Variants in TMEM170B observed in about 807,000 individuals in gnomAD.
The protein encoded by TMEM170B is transmembrane protein 170B.
TMEM170B carries 6 observed loss-of-function variants against 13.0 expected under a neutral mutation model. The ratio of observed to expected loss-of-function variants is 0.46; its 90% CI spans 0.25 to 0.91. TMEM170B has a LOEUF of 0.91. Among genes scored for constraint, TMEM170B ranks in the 40% least tolerant of loss-of-function variants. The pLI is 0.17. For missense variants in TMEM170B, 138 were observed against 165.2 expected (o/e 0.84, Z 0.90); for synonymous variants, 61 against 64.9 (o/e 0.94, Z 0.29).
Position 11,560,602 on chromosome 6 carries a change from A to C in TMEM170B, c.98-5064A>C, listed in dbSNP as rs139128274. ...TCTCTTAAAAAAAAAAAAAAAAATGAAAAACTAATTTCTAAAAATATTATA... is the reference window on the plus strand; with the variant it reads ...TCTCTTAAAAAAAAAAAAAAAAATGCAAAACTAATTTCTAAAAATATTATA... On this transcript the variant is annotated intron_variant, in intron 1 of 2. Transcript: ENST00000379426. Among the ~76,000 whole-genome samples, 640 of 146,606 alleles carry C rather than the reference A, an allele frequency of 4.4e-3. 1 individual carries two copies. The highest frequency in any genetic ancestry group is 6.4e-3 in the Non-Finnish European group (422 of 66,292).
chr6:11,568,069 A>G (rs190645273), intron 2 of TMEM170B, among the ~76,000 whole-genome samples: 47 of 152,278 alleles, frequency 3.1e-4, no homozygotes, highest in African/African-American at 9.6e-4. Context: ...GGATATGCAA[A>G]ACATATAGGT....
intron 1 of TMEM170B, among the ~76,000 whole-genome samples, chr6:11,552,916 G>A (rs1759543431): frequency 6.6e-6 from 1 of 152,118 alleles, no homozygotes; most frequent in Non-Finnish European, 1.5e-5. Flanking sequence ...TCAGAGTTGT[G>A]GTCTGGGTTG....
chr6:11,543,026 C>T (rs545443468), intron 1 of TMEM170B, among the ~76,000 whole-genome samples: 1 of 152,232 alleles, frequency 6.6e-6, no homozygotes, highest in South Asian at 2.1e-4. Context: ...TCTTCTTTAC[C>T]ATGCTACTTC....
chr6:11,545,262 G>C (rs1309400434), intron 1 of TMEM170B, among the ~76,000 whole-genome samples: 1 of 113,540 alleles, frequency 8.8e-6, no homozygotes, highest in Non-Finnish European at 2.0e-5. Context: ...AGGTTAAAAG[G>C]CTTCTCTCTC....
intron 2 of TMEM170B, among the ~76,000 whole-genome samples, chr6:11,567,887 G>A (rs1759756212): frequency 6.6e-6 from 1 of 152,156 alleles, no homozygotes; most frequent in Non-Finnish European, 1.5e-5. Context: ...AAAACAAATG[G>A]ATATTTTTGA....
intron 1 of TMEM170B, among the ~76,000 whole-genome samples, chr6:11,559,263 G>T (rs1276293320): frequency 6.7e-6 from 1 of 149,478 alleles, no homozygotes; most frequent in African/African-American, 2.5e-5. Flanking sequence ...GCATGATCAT[G>T]GGTGACTGCT....
In TMEM170B at chr6:11,556,129, C is replaced by A. The variant is rs1490004591; in HGVS notation, c.98-9537C>A. 6.7e-3 allele frequency among the ~76,000 whole-genome samples: 2 copies of A among 298 alleles called. 1 individual carries two copies. Among genetic ancestry groups the A allele is most frequent in the African/African-American group, 6.8e-3 (2 of 296 alleles). The allele number at this position is 298 out of a possible 152,430, so 0.2% of individuals were successfully genotyped here. On this transcript the variant is annotated intron_variant, in intron 1 of 2. Transcript: ENST00000379426. Reference sequence around the variant, plus strand: ...CGAGATCGCGCCACTGCACTCCAGCCTGGGCGACAGAGCGAGACTCCGTCT... The same window carrying A: ...CGAGATCGCGCCACTGCACTCCAGCATGGGCGACAGAGCGAGACTCCGTCT...
At chr6:11,549,696 AT>A (rs1324498834) in intron 1 of TMEM170B, among the ~76,000 whole-genome samples, 1 of 151,960 alleles carries the variant, frequency 6.6e-6, no homozygotes, top group Non-Finnish European at 1.5e-5. Context: ...GCCTCATTAG[AT>A]TGTCACATTC....
chr6:11,555,240 TAAG>T (rs1242103530), intron 1 of TMEM170B, among the ~76,000 whole-genome samples: 2 of 152,290 alleles, frequency 1.3e-5, no homozygotes, highest in Admixed American at 6.5e-5. Flanking sequence ...AAATTTCTGA[TAAG>T]AAGTTTCCTT....
At chr6:11,542,358 A>G (rs1582136790) in intron 1 of TMEM170B, among the ~76,000 whole-genome samples, 2 of 152,200 alleles carry the variant, frequency 1.3e-5, no homozygotes, top group South Asian at 4.1e-4. Context: ...CTGCAAGTCA[A>G]CCATTAAGCT....
intron 1 of TMEM170B, among the ~76,000 whole-genome samples, chr6:11,541,445 C>A (rs565894889): frequency 1.3e-5 from 2 of 152,276 alleles, no homozygotes; most frequent in African/African-American, 4.8e-5. Flanking sequence ...ATCAAACTTT[C>A]TTTTGCAGCT....
At chr6:11,550,185 T>C (rs1032272619) in intron 1 of TMEM170B, among the ~76,000 whole-genome samples, 1 of 151,652 alleles carries the variant, frequency 6.6e-6, no homozygotes, top group African/African-American at 2.4e-5. Flanking sequence ...TTTTTTTTTT[T>C]TTTTTGAAGC....
chr6:11,542,439 G>A (rs1759374315), intron 1 of TMEM170B, among the ~76,000 whole-genome samples: 1 of 152,136 alleles, frequency 6.6e-6, no homozygotes, highest in Non-Finnish European at 1.5e-5. Flanking sequence ...CTTGCCAGTT[G>A]CTCATTGGAC....
chr6:11,572,130 C>T (rs1016571373), intron 2 of TMEM170B, among the ~76,000 whole-genome samples: 4 of 152,256 alleles, frequency 2.6e-5, no homozygotes, highest in South Asian at 4.1e-4. Context: ...TGAAAAGGCC[C>T]ATACCATAGG....
chr6:11,574,263 A>G (rs971371365), intron 2 of TMEM170B, among the ~76,000 whole-genome samples: 1 of 152,126 alleles, frequency 6.6e-6, no homozygotes, highest in African/African-American at 2.4e-5. Flanking sequence ...TAAGTACACT[A>G]TTTTAATTTC....
At chr6:11,552,301 C>T (rs1462684849) in intron 1 of TMEM170B, among the ~76,000 whole-genome samples, 1 of 152,048 alleles carries the variant, frequency 6.6e-6, no homozygotes, top group East Asian at 1.9e-4. Context: ...TATGATAACC[C>T]AGATTTTTTT....
chr6:11,538,728 T>G (rs1162111790), intron 1 of TMEM170B, among the ~76,000 whole-genome samples: 1 of 152,220 alleles, frequency 6.6e-6, no homozygotes. Context: ...CCCCTCCCCC[T>G]TCTACACACA....
intron 1 of TMEM170B, among the ~76,000 whole-genome samples, chr6:11,560,894 G>A (rs146501334): frequency 3.3e-5 from 5 of 152,120 alleles, no homozygotes; most frequent in Admixed American, 1.3e-4. Context: ...GTTGTTGAAG[G>A]ATTAAAAACA....
At position 11,576,332 on chromosome 6, in the gene TMEM170B, CATTG is replaced by C. The variant is rs1235230675; in HGVS notation, c.*776_*779del. The C allele has an allele frequency of 1.3e-5, 2 of 152,088 alleles. No individual in the cohort carries two copies. Among genetic ancestry groups the C allele is most frequent in the Admixed American group, 6.6e-5 (1 of 15,266 alleles). 9.4% of individuals were successfully genotyped at this position (152,088 alleles called of 1,614,324 possible). A position where few individuals can be genotyped will look rare whatever the true frequency, so the allele number is the denominator to read the frequency against. On this transcript the variant is annotated 3_prime_UTR_variant, in exon 3 of 3. Coordinates refer to ENST00000379426, the MANE Select transcript of TMEM170B (RefSeq NM_001100829.3). Reference sequence around the variant, plus strand: ...ATTCAGAAACTTGAAGGGTCATACACATTGATTGTAGTTTGTGCGTCATAAAAAT... The same window carrying C: ...ATTCAGAAACTTGAAGGGTCATACACATTGTAGTTTGTGCGTCATAAAAAT...
Sources: gnomAD v4.1 joint callset for allele counts (sites outside exome capture counted in the v4.1 genomes callset) on GRCh38, gnomAD v4.1.1 for gene constraint, MANE v1.5 for transcripts, NCBI Gene and HGNC (gene_info 2026-07-23, HGNC 2026-07-21) for gene names.